The following KIAA1958 variants were observed in gnomAD, a reference collection of about 807,000 sequenced individuals.
The protein encoded by KIAA1958 is uncharacterized protein KIAA1958.
KIAA1958 carries 14 observed loss-of-function variants against 47.2 expected under a neutral mutation model. That is an observed-to-expected ratio of 0.30 (90% CI 0.20 to 0.46). The LOEUF (loss-of-function observed/expected upper bound fraction) is 0.46, where lower values mean the gene tolerates loss of function less well. KIAA1958 is among the 20% of genes least tolerant of loss of function. KIAA1958 has a pLI of 1.00. For missense variants in KIAA1958, 803 were observed against 909.2 expected, an observed-to-expected ratio of 0.88 and a Z score of 1.50; for synonymous variants, 354 against 353.3, an observed-to-expected ratio of 1.00 and a Z score of -0.02.
At chr9:112,510,890 A>G (rs947394014) in intron 1 of KIAA1958, among the ~76,000 whole-genome samples, 1 of 152,104 alleles carries the variant, frequency 6.6e-6, no homozygotes, top group Non-Finnish European at 1.5e-5. Flanking sequence ...TTGTGTAACT[A>G]TATGGGGAGA....
At chr9:112,591,346 A>C (rs931470414) in intron 2 of KIAA1958, among the ~76,000 whole-genome samples, 1 of 151,990 alleles carries the variant, frequency 6.6e-6, no homozygotes, top group Non-Finnish European at 1.5e-5. Context: ...GGCCTCCCAC[A>C]GTGCTGGGAT....
intron 1 of KIAA1958, among the ~76,000 whole-genome samples, chr9:112,558,927 A>G (rs954863937): frequency 2.0e-5 from 3 of 152,220 alleles, no homozygotes; most frequent in Admixed American, 6.5e-5. Flanking sequence ...ACAAAGTATT[A>G]TATAATATTA....
chr9:112,534,958 T>C (rs10126041), intron 1 of KIAA1958, among the ~76,000 whole-genome samples: 145,371 of 152,312 alleles, frequency 0.95, 69,446 homozygotes, highest in African/African-American at 0.99. Context: ...CTCTTGACTT[T>C]GTTGTGTGTT....
intron 2 of KIAA1958, among the ~76,000 whole-genome samples, chr9:112,622,808 A>C (rs766419999): frequency 3.3e-5 from 5 of 152,188 alleles, no homozygotes; most frequent in Non-Finnish European, 7.3e-5. Flanking sequence ...AGATGCCATG[A>C]AATCAATGAC....
intron 1 of KIAA1958, among the ~76,000 whole-genome samples, chr9:112,553,733 A>G (rs1835195474): frequency 6.6e-6 from 1 of 152,166 alleles, no homozygotes; most frequent in South Asian, 2.1e-4. Context: ...ATAAGATCTA[A>G]TGACGTCACT....
chr9:112,598,586 C>G (rs1003619838), intron 2 of KIAA1958, among the ~76,000 whole-genome samples: 2 of 152,110 alleles, frequency 1.3e-5, no homozygotes, highest in East Asian at 3.9e-4. Context: ...AACCCTTATT[C>G]AAGTCTTAAA....
At chr9:112,488,607 G>C (rs1472784931) in intron 1 of KIAA1958, among the ~76,000 whole-genome samples, 2 of 152,092 alleles carry the variant, frequency 1.3e-5, no homozygotes, top group South Asian at 2.1e-4. Flanking sequence ...AGCAGTTTTG[G>C]GGGCCATGCA....
Position 112,598,856 on chromosome 9 carries a change from C to CCTG in KIAA1958, c.1171+23605_1171+23606insCTG, listed in dbSNP as rs1375027287. Among the ~76,000 whole-genome samples, 182 of 152,150 alleles carry CCTG rather than the reference C, an allele frequency of 1.2e-3. 5 individuals carry two copies. The East Asian group carries it at 0.034, about 28-fold the overall frequency. The stretch of plus-strand genomic sequence containing the variant: ...CTTTGGGAGGCCTGGGTGGGAGGAT[C>CCTG]GCTTGATGCCAGGAGTTTGAGACCA... On this transcript the variant is annotated intron_variant, in intron 2 of 3. Coordinates refer to ENST00000337530, the MANE Select transcript of KIAA1958 (RefSeq NM_133465.4).
At chr9:112,551,980 A>T (rs1317321574) in intron 1 of KIAA1958, among the ~76,000 whole-genome samples, 1 of 152,192 alleles carries the variant, frequency 6.6e-6, no homozygotes, top group African/African-American at 2.4e-5. Flanking sequence ...GTATAGTCTC[A>T]TGTTTCCAGC....
chr9:112,595,155 A>C (rs1244714151), intron 2 of KIAA1958, among the ~76,000 whole-genome samples: 1 of 152,244 alleles, frequency 6.6e-6, no homozygotes, highest in African/African-American at 2.4e-5. Flanking sequence ...TGATAGAAGC[A>C]GAATTTTATT....
Position 112,525,179 on chromosome 9 carries a change from G to A in KIAA1958, c.-25+38061G>A, listed in dbSNP as rs1002453007. Reference sequence around the variant, plus strand: ...GAGATTATAACACATTGTATTTAAGGCTTAGTACATGTTGACTCTTTAATT... The same window carrying A: ...GAGATTATAACACATTGTATTTAAGACTTAGTACATGTTGACTCTTTAATT... On this transcript the variant is annotated intron_variant, in intron 1 of 3. Transcript: ENST00000337530. Among the ~76,000 whole-genome samples, 34 of 152,154 alleles carry A rather than the reference G, an allele frequency of 2.2e-4. 1 individual carries two copies. The highest frequency in any genetic ancestry group is 7.7e-4 in the African/African-American group (32 of 41,422).
At chr9:112,533,105 A>G (rs993880972) in intron 1 of KIAA1958, among the ~76,000 whole-genome samples, 2 of 152,106 alleles carry the variant, frequency 1.3e-5, no homozygotes, top group African/African-American at 2.4e-5. Flanking sequence ...ATATGTGTGT[A>G]TCTATGTATA....
In KIAA1958 at chr9:112,669,207, A is replaced by T. The variant is rs1837388794; in HGVS notation, c.*9138A>T. The T allele has an allele frequency of 6.6e-6, 1 of 151,924 alleles. No individual in the cohort carries two copies. The highest frequency in any genetic ancestry group is 2.4e-5 in the African/African-American group (1 of 41,392). The allele number at this position is 151,924 out of a possible 1,614,324, so 9.4% of individuals were successfully genotyped here. On this transcript the variant is annotated 3_prime_UTR_variant, in exon 4 of 4. Coordinates refer to ENST00000337530, the MANE Select transcript of KIAA1958 (RefSeq NM_133465.4). ...CTCCTATTTTCTGTCCTAGAGTGTC[A>T]GCGTTGGAAGGGATTTTTTTTTGTT...
Position 112,659,533 on chromosome 9 carries a change from G to T in KIAA1958, c.1615G>T (p.Glu539Ter), listed in dbSNP as rs1373588712. The T allele has an allele frequency of 6.2e-7, 1 of 1,613,314 alleles. No homozygotes were observed. The highest frequency in any genetic ancestry group is 1.7e-5 in the Admixed American group (1 of 59,918). ...CGTCTACTTCTCCCTTTCTGACGAG[G>T]AGGAGATGTGGCAGGCAGGGTGTCT... The part of the protein sequence containing the change: ...NIVYFSLSDE[E>*]EMWQAGCLGD... The change falls in exon 4 of 4, where the codon GAG becomes TAG. Residue 539 changes from glutamate (E) to a stop codon, truncating the protein, a stop_gained. Transcript: ENST00000337530. LOFTEE classifies it high-confidence loss of function.
chr9:112,574,647 G>A lies in KIAA1958; in HGVS notation c.567G>A (p.Gln189=). Residue 189 remains glutamine, a synonymous_variant, in exon 2 of 4, where the codon CAG becomes CAA. Transcript: ENST00000337530. ...CCCTCCATTCAAGCTCCCAGACGCAGATGGTTGACGAATGCAGCAATGATG... is the reference window on the plus strand; with the variant it reads ...CCCTCCATTCAAGCTCCCAGACGCAAATGGTTGACGAATGCAGCAATGATG... The part of the protein sequence containing the change: ...PSSLHSSSQT[Q]MVDECSNDVI... 2 of 1,614,188 alleles carry A rather than the reference G, an allele frequency of 1.2e-6. No individual in the cohort carries two copies. Among genetic ancestry groups the A allele is most frequent in the South Asian group, 2.2e-5 (2 of 91,082 alleles).
rs1219061414 is a variant in KIAA1958 at position 112,662,313 on chromosome 9, C to T, written c.*2244C>T. 6.6e-6 allele frequency: 1 copy of T among 152,206 alleles called. No homozygotes were observed. Among genetic ancestry groups the T allele is most frequent in the African/African-American group, 2.4e-5 (1 of 41,452 alleles). 9.4% of individuals were successfully genotyped at this position (152,206 alleles called of 1,614,324 possible). On this transcript the variant is annotated 3_prime_UTR_variant, in exon 4 of 4. Coordinates refer to ENST00000337530, the MANE Select transcript of KIAA1958 (RefSeq NM_133465.4). Reference sequence around the variant, plus strand: ...AGCCTAAAAGCTGTTTGTGACATGCCACCTTGGGAAACAAGAGTGAGGAAG... The same window carrying T: ...AGCCTAAAAGCTGTTTGTGACATGCTACCTTGGGAAACAAGAGTGAGGAAG...
In KIAA1958 at chr9:112,486,874, C is replaced by T. The variant is rs1043486723; in HGVS notation, c.-269C>T. On this transcript the variant is annotated 5_prime_UTR_variant, in exon 1 of 4. Transcript: ENST00000337530. The stretch of plus-strand genomic sequence containing the variant: ...CGAGCCGGGCGCGCGGAGCTCGGGG[C>T]GCACGGAGCGGCGCGCGGCGGTCGG... 2 of 141,728 alleles carry T rather than the reference C, an allele frequency of 1.4e-5. No homozygotes were observed. The highest frequency in any genetic ancestry group is 2.5e-5 in the African/African-American group (1 of 39,600). The allele number at this position is 141,728 out of a possible 1,614,324, so 8.8% of individuals were successfully genotyped here.
chr9:112,502,655 AC>A (rs1168292516), intron 1 of KIAA1958, among the ~76,000 whole-genome samples: 1 of 152,254 alleles, frequency 6.6e-6, no homozygotes, highest in East Asian at 1.9e-4. Flanking sequence ...AGATACATGC[AC>A]AAAAACATTC....
intron 1 of KIAA1958, among the ~76,000 whole-genome samples, chr9:112,516,172 A>G (rs529088857): frequency 2.6e-5 from 4 of 152,256 alleles, no homozygotes; most frequent in African/African-American, 9.6e-5. Context: ...ATGAAATTCA[A>G]TTCATAGAAG....
Sources: gnomAD v4.1 joint callset for allele counts (sites outside exome capture counted in the v4.1 genomes callset) on GRCh38, gnomAD v4.1.1 for gene constraint, MANE v1.5 for transcripts, NCBI Gene and HGNC (gene_info 2026-07-23, HGNC 2026-07-21) for gene names.